NME7: variants seen among roughly 807,000 people sequenced by gnomAD.
The protein encoded by NME7 is NME/NM23 family member 7.
NME7 carries 41 observed loss-of-function variants against 49.1 expected under a neutral mutation model. The ratio of observed to expected loss-of-function variants is 0.83; its 90% confidence interval spans 0.65 to 1.08. The LOEUF is 1.08. Ranked by LOEUF, NME7 falls within the 50% of genes least tolerant of loss-of-function variation. NME7 has a pLI of 0.00. For synonymous variants in NME7, 139 were observed against 150.6 expected (o/e 0.92, Z 0.56); for missense variants, 423 against 463.4 (o/e 0.91, Z 0.80).
At chr1:169,169,230 T>C (rs929000013) in intron 11 of NME7, 3 of 463,912 alleles carry the variant, frequency 6.5e-6, no homozygotes, top group Non-Finnish European at 1.2e-5. Flanking sequence ...AGGGGAGGGA[T>C]AACATTAGGA....
intron 7 of NME7, among the ~76,000 whole-genome samples, chr1:169,250,378 G>T (rs1648511888): frequency 6.6e-6 from 1 of 151,900 alleles, no homozygotes; most frequent in African/African-American, 2.4e-5. Context: ...TCTAGCTAAT[G>T]GTCTATCAAC....
At chr1:169,164,794 T>A (rs992723073) in intron 11 of NME7, among the ~76,000 whole-genome samples, 1 of 152,226 alleles carries the variant, frequency 6.6e-6, no homozygotes, top group Non-Finnish European at 1.5e-5. Context: ...TCTCTTCCTT[T>A]GCTTAGATCC....
chr1:169,275,435 C>T (rs1267984749), intron 7 of NME7, among the ~76,000 whole-genome samples: 2 of 111,220 alleles, frequency 1.8e-5, no homozygotes, highest in African/African-American at 6.0e-5. Context: ...GTCGAGATCG[C>T]GCCACTGCAC....
rs1459974176 is a variant in NME7, at chr1:169,273,417, C to T, written c.754+13886G>A. 2.3e-5 allele frequency among the ~76,000 whole-genome samples: 3 copies of T among 132,722 alleles called. 1 individual carries two copies. The highest frequency in any genetic ancestry group is 1.5e-4 in the Admixed American group (2 of 13,512). The allele number at this position is 132,722 out of a possible 152,430, so 87.1% of individuals were successfully genotyped here. A position where few individuals can be genotyped will look rare whatever the true frequency, so the allele number is the denominator to read the frequency against. The stretch of plus-strand genomic sequence containing the variant: ...TCACTTTTTAAGGCTGCATAGTATT[C>T]CATGGCGTATATGCACCACACTTTC... On this transcript the variant is annotated intron_variant, in intron 7 of 11. Coordinates refer to ENST00000367811, the MANE Select transcript of NME7 (RefSeq NM_013330.5).
chr1:169,284,996 C>T (rs1225210908), intron 7 of NME7: 1 of 151,998 alleles, frequency 6.6e-6, no homozygotes, highest in African/African-American at 2.4e-5. Flanking sequence ...TAAACAAGAA[C>T]TTTTTCAAAA....
At chr1:169,239,656 C>T (rs1189626765) in intron 7 of NME7, among the ~76,000 whole-genome samples, 4 of 151,802 alleles carry the variant, frequency 2.6e-5, no homozygotes, top group Non-Finnish European at 5.9e-5. Flanking sequence ...GGATTGCATA[C>T]CAACAGATAG....
At chr1:169,132,942 T>TAATC (rs3060498) in intron 11 of NME7, 125 bp from the exon 12 acceptor site, 11,197 of 622,294 alleles carry the variant, frequency 0.018, 571 homozygotes, top group African/African-American at 0.14. Flanking sequence ...CACTAAAAGT[T>TAATC]AATCAATCAA....
intron 11 of NME7, among the ~76,000 whole-genome samples, chr1:169,163,582 T>C (rs990404883): frequency 6.6e-6 from 1 of 152,066 alleles, no homozygotes; most frequent in Non-Finnish European, 1.5e-5. Flanking sequence ...TTGAGACAAT[T>C]GGTGAAATCT....
intron 7 of NME7, among the ~76,000 whole-genome samples, chr1:169,257,970 C>G (rs1033312975): frequency 7.5e-6 from 1 of 133,814 alleles, no homozygotes; most frequent in African/African-American, 2.5e-5. Flanking sequence ...GATCCATTAA[C>G]TTTAACATGA....
chr1:169,323,356 G>A (rs1431624059), intron 2 of NME7, 73 bp from the exon 3 acceptor site: 24 of 1,217,846 alleles, frequency 2.0e-5, no homozygotes, highest in Non-Finnish European at 2.6e-5. Context: ...CTCATCATAA[G>A]GTAGAAATAA....
intron 10 of NME7, among the ~76,000 whole-genome samples, chr1:169,173,692 C>G (rs1268879865): frequency 6.6e-6 from 1 of 151,986 alleles, no homozygotes; most frequent in African/African-American, 2.4e-5. Context: ...AATAACAGCA[C>G]TTCCCCCCTC....
intron 6 of NME7, among the ~76,000 whole-genome samples, chr1:169,293,638 C>G (rs1343704643): frequency 6.6e-6 from 1 of 152,114 alleles, no homozygotes; most frequent in Non-Finnish European, 1.5e-5. Context: ...CTTATCATCA[C>G]CACATCTTTT....
intron 10 of NME7, among the ~76,000 whole-genome samples, chr1:169,193,039 C>A (rs1389583387): frequency 6.6e-6 from 1 of 151,960 alleles, no homozygotes; most frequent in Non-Finnish European, 1.5e-5. Context: ...TGGCCAGGTG[C>A]AGTAGTTCAT....
intron 1 of NME7, among the ~76,000 whole-genome samples, chr1:169,351,759 A>G (rs1451468842): frequency 6.6e-6 from 1 of 152,054 alleles, no homozygotes; most frequent in African/African-American, 2.4e-5. Flanking sequence ...ATGATACTGC[A>G]GAAATTCAAA....
rs1649586486 is a variant in NME7, at chr1:169,273,744, G to C, written c.754+13559C>G. Among the ~76,000 whole-genome samples, 2 of 123,830 alleles carry C rather than the reference G, an allele frequency of 1.6e-5. 1 individual carries two copies. The highest frequency in any genetic ancestry group is 5.4e-5 in the African/African-American group (2 of 36,858). The allele number at this position is 123,830 out of a possible 152,430, so 81.2% of individuals were successfully genotyped here. A position where few individuals can be genotyped will look rare whatever the true frequency, so the allele number is the denominator to read the frequency against. Reference sequence around the variant, plus strand: ...TTTTGTCCTTGCGATAGTTTACTGAGAATGATGATTTCCAATTTCATCCAT... The same window carrying C: ...TTTTGTCCTTGCGATAGTTTACTGACAATGATGATTTCCAATTTCATCCAT... On this transcript the variant is annotated intron_variant, in intron 7 of 11. Coordinates refer to ENST00000367811, the MANE Select transcript of NME7 (RefSeq NM_013330.5).
At chr1:169,223,586 T>A (rs1298256299) in intron 10 of NME7, among the ~76,000 whole-genome samples, 1 of 152,190 alleles carries the variant, frequency 6.6e-6, no homozygotes, top group Non-Finnish European at 1.5e-5. Context: ...CCTATTGATA[T>A]GTCACCATTA....
chr1:169,151,264 A>G (rs1658906376), intron 11 of NME7, among the ~76,000 whole-genome samples: 1 of 152,142 alleles, frequency 6.6e-6, no homozygotes, highest in African/African-American at 2.4e-5. Flanking sequence ...AAGGCCTTGG[A>G]AGATAAAACC....
chr1:169,344,070 G>T (rs972246775), intron 1 of NME7, among the ~76,000 whole-genome samples: 1 of 151,998 alleles, frequency 6.6e-6, no homozygotes, highest in Non-Finnish European at 1.5e-5. Context: ...ATTTATTTAG[G>T]TCTTTAATTT....
chr1:169,328,950 C>A (rs978915241), intron 1 of NME7, among the ~76,000 whole-genome samples: 2 of 152,110 alleles, frequency 1.3e-5, no homozygotes, highest in African/African-American at 4.8e-5. Flanking sequence ...TTGCAGACTA[C>A]AGTAAATACC....
Sources: allele counts gnomAD v4.1 joint callset (sites outside exome capture counted in the v4.1 genomes callset), GRCh38; gene constraint gnomAD v4.1.1; transcripts MANE v1.5; gene names NCBI Gene and HGNC (gene_info 2026-07-23, HGNC 2026-07-21).